The following GARIN1B variants were observed in gnomAD, a reference collection of about 807,000 sequenced individuals.
GARIN1B encodes the protein golgi associated RAB2 interactor 1B.
At chr7:128,716,824 C>A in the GARIN1B span, 1 of 1,608,464 alleles carries the variant, frequency 6.2e-7, no homozygotes, top group Non-Finnish European at 8.5e-7. Context: ...TCAAAAGGGG[C>A]AGGAATTGGA....
chr7:128,709,740 C>G, the GARIN1B span, among the ~76,000 whole-genome samples: 2 of 17,254 alleles, frequency 1.2e-4, no homozygotes, highest in Non-Finnish European at 3.0e-4. Context: ...CTCTCTCTCT[C>G]TCTCTCTCTC....
chr7:128,724,721 C>A, the GARIN1B span: 2 of 1,288,758 alleles, frequency 1.6e-6, no homozygotes, highest in Non-Finnish European at 2.0e-6. Flanking sequence ...GCAAATGTCA[C>A]CAGGAGAGAA....
the GARIN1B span, among the ~76,000 whole-genome samples, chr7:128,721,722 A>T: frequency 1.3e-5 from 2 of 152,186 alleles, no homozygotes; most frequent in Non-Finnish European, 2.9e-5. Flanking sequence ...GCTTATTATG[A>T]ATATTTGTAG....
the GARIN1B span, among the ~76,000 whole-genome samples, chr7:128,728,489 G>T: frequency 1.3e-5 from 2 of 152,052 alleles, no homozygotes; most frequent in African/African-American, 2.4e-5. Context: ...TGTAAGAAAA[G>T]GTTAACTTTT....
chr7:128,723,431 G>T, the GARIN1B span: 1 of 1,335,812 alleles, frequency 7.5e-7, no homozygotes, highest in Non-Finnish European at 1.0e-6. Flanking sequence ...GGTTTTACGT[G>T]ACCAGGCACG....
the GARIN1B span, chr7:128,715,635 C>T: frequency 6.2e-7 from 1 of 1,614,162 alleles, no homozygotes. Flanking sequence ...GTGGTTCATT[C>T]TCCAGAATTC....
the GARIN1B span, among the ~76,000 whole-genome samples, chr7:128,720,663 G>A: frequency 6.6e-6 from 1 of 152,254 alleles, no homozygotes; most frequent in Non-Finnish European, 1.5e-5. Flanking sequence ...AATGATCTAA[G>A]TACTTTTTTT....
the GARIN1B span, among the ~76,000 whole-genome samples, chr7:128,709,750 C>CTGTCTTTTTTTTT: frequency 1.7e-5 from 2 of 114,668 alleles, no homozygotes; most frequent in Admixed American, 8.6e-5. Flanking sequence ...CTCTCTCTCT[C>CTGTCTTTTTTTTT]TTTTTTTTTT....
At chr7:128,725,773 G>C in the GARIN1B span, among the ~76,000 whole-genome samples, 1 of 152,190 alleles carries the variant, frequency 6.6e-6, no homozygotes, top group Admixed American at 6.5e-5. Flanking sequence ...GGGAGGCTGG[G>C]AAATGCATTC....
chr7:128,722,533 C>T, the GARIN1B span, among the ~76,000 whole-genome samples: 21 of 152,278 alleles, frequency 1.4e-4, no homozygotes, highest in South Asian at 4.1e-4. Context: ...AGGCCAGGCG[C>T]GGTGGCTCAC....
the GARIN1B span, chr7:128,715,505 AG>A: frequency 6.2e-7 from 1 of 1,614,208 alleles, no homozygotes; most frequent in Non-Finnish European, 8.5e-7. Context: ...AAAAGTCACA[AG>A]ATCCTATCCA....
chr7:128,713,968 A>C, the GARIN1B span: 1 of 1,525,008 alleles, frequency 6.6e-7, no homozygotes, highest in African/African-American at 1.4e-5. Context: ...TCTCTGATCT[A>C]ATCCTTAGAG....
chr7:128,724,926 C>G, the GARIN1B span: 1 of 1,213,302 alleles, frequency 8.2e-7, no homozygotes, highest in Non-Finnish European at 1.1e-6. Context: ...TGACTGCACC[C>G]TTGAGCATAT....
chr7:128,717,496 G>T, the GARIN1B span, among the ~76,000 whole-genome samples: 1 of 149,572 alleles, frequency 6.7e-6, no homozygotes, highest in Non-Finnish European at 1.5e-5. Flanking sequence ...GCCCAGGCTG[G>T]AGTACAATGG....
chr7:128,711,208 T>C, the GARIN1B span, among the ~76,000 whole-genome samples: 1 of 152,018 alleles, frequency 6.6e-6, no homozygotes, highest in Non-Finnish European at 1.5e-5. Context: ...GTGATAGAGC[T>C]TTACTAAGAA....
At chr7:128,731,310 A>C in the GARIN1B span, 2 of 639,686 alleles carry the variant, frequency 3.1e-6, no homozygotes, top group Admixed American at 2.4e-5. Flanking sequence ...GGCATATGCC[A>C]CCTCCATGCC....
chr7:128,713,067 G>C, the GARIN1B span, among the ~76,000 whole-genome samples: 2 of 152,144 alleles, frequency 1.3e-5, no homozygotes, highest in African/African-American at 4.8e-5. Flanking sequence ...CACTTTGGGA[G>C]GTCAAGGCGG....
the GARIN1B span, chr7:128,715,839 C>A: frequency 1.4e-6 from 1 of 712,210 alleles, no homozygotes; most frequent in Non-Finnish European, 2.3e-6. Flanking sequence ...GCCACCCTCA[C>A]TGACCTGGGC....
the GARIN1B span, among the ~76,000 whole-genome samples, chr7:128,721,475 G>A: frequency 6.6e-6 from 1 of 151,898 alleles, no homozygotes; most frequent in South Asian, 2.1e-4. Context: ...CATTATAGCA[G>A]TTTTACAGAT....
Sources: allele counts gnomAD v4.1 joint callset (sites outside exome capture counted in the v4.1 genomes callset), GRCh38; gene constraint gnomAD v4.1.1; transcripts MANE v1.5; gene names NCBI Gene and HGNC (gene_info 2026-07-23, HGNC 2026-07-21).